Variants in LTBP4 observed in about 807,000 individuals in gnomAD.
The protein encoded by LTBP4 is latent-transforming growth factor beta-binding protein 4.
Under a neutral mutation model 180.2 loss-of-function variants are expected in LTBP4, and 93 were observed. The ratio of observed to expected loss-of-function variants is 0.52; its 90% CI spans 0.44 to 0.61. The LOEUF (loss-of-function observed/expected upper bound fraction) is 0.61. LTBP4 is among the 20% of genes least tolerant of loss of function. The probability of loss-of-function intolerance (pLI) is 0.00; values close to 1 mark genes in which losing one functional copy is unlikely to be tolerated. For missense variants in LTBP4, 2,116 were observed against 2,256.5 expected (o/e 0.94, Z 1.26); for synonymous variants, 947 against 934.5 (o/e 1.01, Z -0.24).
At chr19:40,616,781 T>C (rs1238686037) in intron 19 of LTBP4, 108 bp from the exon 20 acceptor site, 3 of 1,319,948 alleles carry the variant, frequency 2.3e-6, no homozygotes, top group Non-Finnish European at 3.1e-6. Flanking sequence ...CTCAGGCTCC[T>C]AGAATACCAG....
rs762422039 is a variant in LTBP4 at position 40,627,323 on chromosome 19, C to T, written c.4334C>T (p.Pro1445Leu). 5.9e-6 allele frequency: 9 copies of T among 1,521,784 alleles called. No individual in the cohort carries two copies. The highest frequency in any genetic ancestry group is 7.9e-6 in the Non-Finnish European group (9 of 1,136,514). The allele number at this position is 1,521,784 out of a possible 1,614,324, so 94.3% of individuals were successfully genotyped here. ...SRDTRRSFPE[P>L]EEPPEGGSYA... ...GACACCCGCCGCTCCTTCCCAGAGC[C>T]CGAGGAGCCTCCTGAAGGTGGAAGC... The change falls in exon 28 of 30, where the codon CCC (proline) becomes CTC (leucine). Residue 1445 changes from proline to leucine, a missense_variant. Around this residue, in one of 5 missense-constraint regions of LTBP4, gnomAD observed 488 missense variants for 458.8 expected, o/e 1.06. Coordinates refer to ENST00000396819, the MANE Select transcript of LTBP4 (RefSeq NM_001042545.2).
chr19:40,617,025 G>GC lies in LTBP4; in HGVS notation c.2944+5_2944+6insC. 1 of 1,613,012 alleles carries GC rather than the reference G, an allele frequency of 6.2e-7. No individual in the cohort carries two copies. The highest frequency in any genetic ancestry group is 8.5e-7 in the Non-Finnish European group (1 of 1,178,982). On this transcript the variant is annotated splice_donor_region_variant and intron_variant, in intron 20 of 29. Transcript: ENST00000396819. ...CGCCAGGGGGCGGATGCCAGGGTGG[G>GC]TGTCCATCAGGCATCGGGTGAGATG...
rs114749335 is a variant in LTBP4 at position 40,608,301 on chromosome 19, G to T, written c.1238G>T (p.Gly413Val). ...CTCCGCTACAACACCAGACCCCTGG[G>T]CCAGGAGCCACCCCGAGTGTCACTC... ...SDLRYNTRPLGQEPPRVSLSQ... is the reference protein window; with the variant it reads ...SDLRYNTRPLVQEPPRVSLSQ... Residue 413 changes from glycine to valine, a missense_variant, in exon 8 of 30, where the codon GGC becomes GTC. This residue lies in a region of LTBP4 where 877 missense variants were observed against 873.6 expected (regional missense o/e 1.00). Coordinates refer to ENST00000396819, the MANE Select transcript of LTBP4 (RefSeq NM_001042545.2). The T allele has an allele frequency of 1.2e-6, 2 of 1,613,792 alleles. No individual in the cohort carries two copies. The highest frequency in any genetic ancestry group is 1.7e-6 in the Non-Finnish European group (2 of 1,179,868).
intron 19 of LTBP4, 69 bp downstream of exon 19, chr19:40,614,515 T>C (rs1344323110): frequency 1.3e-6 from 2 of 1,531,348 alleles, no homozygotes; most frequent in East Asian, 4.8e-5. Context: ...CCTTGGGGAC[T>C]GAGGAGGGGC....
At chr19:40,610,055 C>G in intron 11 of LTBP4, 184 bp downstream of exon 11, 1 of 766,272 alleles carries the variant, frequency 1.3e-6, no homozygotes, top group African/African-American at 1.8e-5. Flanking sequence ...CCCTTTGACC[C>G]CACCCCTACC....
rs2081620056 is a variant in LTBP4, at chr19:40,625,281, TATATATATATATATATATATATATATATA to T, written c.3833-575_3833-547del. On this transcript the variant is annotated intron_variant, in intron 26 of 29. Coordinates refer to ENST00000396819, the MANE Select transcript of LTBP4 (RefSeq NM_001042545.2). Reference sequence around the variant, plus strand: ...ATATATATATATATATATATATATATATATATATATATATATATATATATATATATATATATTTTTTTTTTTAAAGATGG... The same window carrying T: ...ATATATATATATATATATATATATATTATATATTTTTTTTTTTAAAGATGG... 7.1e-4 allele frequency among the ~76,000 whole-genome samples: 7 copies of T among 9,802 alleles called. 1 individual carries two copies. The highest frequency in any genetic ancestry group is 1.9e-3 in the African/African-American group (2 of 1,030). 6.4% of individuals were successfully genotyped at this position (9,802 alleles called of 152,430 possible). A position where few individuals can be genotyped will look rare whatever the true frequency, so the allele number is the denominator to read the frequency against.
chr19:40,597,357 G>T, upstream of LTBP4: 1 of 1,519,560 alleles, frequency 6.6e-7, no homozygotes, highest in Non-Finnish European at 8.8e-7. Flanking sequence ...TCGAGGTCCC[G>T]GGGGTCCCCA....
chr19:40,627,282 GC>G lies in LTBP4; in HGVS notation c.4296del (p.Tyr1433IlefsTer68). ...PAPPGPGTRW[P>X]YRSRDTRRSF... The stretch of plus-strand genomic sequence containing the variant: ...CGCCACCTGGCCCGGGCACCCGCTG[GC>G]CCTATCGGTCCCGGGACACCCGCCG... On this transcript the variant is annotated frameshift_variant, in exon 28 of 30. Coordinates refer to ENST00000396819, the MANE Select transcript of LTBP4 (RefSeq NM_001042545.2). LOFTEE classifies it high-confidence loss of function. 1 of 1,535,590 alleles carries G rather than the reference GC, an allele frequency of 6.5e-7. No individual in the cohort carries two copies. The highest frequency in any genetic ancestry group is 8.7e-7 in the Non-Finnish European group (1 of 1,144,450).
intron 1 of LTBP4, among the ~76,000 whole-genome samples, chr19:40,593,906 A>G (rs1018342193): frequency 3.3e-5 from 5 of 151,656 alleles, no homozygotes; most frequent in African/African-American, 1.2e-4. Flanking sequence ...TGATCCTCCC[A>G]CCTTAGCCTC....
At chr19:40,623,568 A>T (rs768188446) in intron 24 of LTBP4, 36 bp from the exon 25 acceptor site, 1 of 1,598,738 alleles carries the variant, frequency 6.3e-7, no homozygotes, top group Admixed American at 1.7e-5. Context: ...CCACCCATCC[A>T]GCCCGCCCCC....
In LTBP4 at chr19:40,624,007, C is replaced by G. The variant is rs931278267; in HGVS notation, c.3757C>G (p.His1253Asp). The change falls in exon 26 of 30, where the codon CAC (histidine) becomes GAC (aspartate). Residue 1253 changes from histidine (H) to aspartate (D), a missense_variant. His to Asp is a moderately conservative substitution (Grantham distance 81). This residue lies in a region of LTBP4 where 488 missense variants were observed against 458.8 expected (regional missense o/e 1.06). Coordinates refer to ENST00000396819, the MANE Select transcript of LTBP4 (RefSeq NM_001042545.2). The part of the protein sequence containing the change: ...GRCVNTVGSY[H>D]CTCEPPLVLD... ...CTGTGTCAACACTGTGGGCTCTTAT[C>G]ACTGTACCTGCGAGCCCCCACTGGT... is the stretch of plus-strand genomic sequence containing the variant. 1 of 1,612,406 alleles carries G rather than the reference C, an allele frequency of 6.2e-7. No homozygotes were observed. The highest frequency in any genetic ancestry group is 1.3e-5 in the African/African-American group (1 of 74,916).
In LTBP4 at chr19:40,609,735, C is replaced by T. The variant is rs375148615; in HGVS notation, c.1559-11C>T. 4.3e-6 allele frequency: 7 copies of T among 1,611,408 alleles called. No homozygotes were observed. The highest frequency in any genetic ancestry group is 5.9e-6 in the Non-Finnish European group (7 of 1,178,370). ...TGGTCACCTTGTCACCAGCCCCCTCCGTGTCCTCAGATGTGGACGAATGTC... is the reference window on the plus strand; with the variant it reads ...TGGTCACCTTGTCACCAGCCCCCTCTGTGTCCTCAGATGTGGACGAATGTC... On this transcript the variant is annotated splice_polypyrimidine_tract_variant and intron_variant, in intron 10 of 29. Transcript: ENST00000396819. The surrounding 1 kb of genome is among the most constrained non-coding windows in gnomAD (Gnocchi z 4.9).
At chr19:40,610,009 G>A in intron 11 of LTBP4, 138 bp downstream of exon 11, 4 of 1,204,538 alleles carry the variant, frequency 3.3e-6, no homozygotes, top group Non-Finnish European at 4.4e-6. Context: ...CCTTGGCCCT[G>A]CCCTTCCCTG....
Position 40,627,243 on chromosome 19 carries a change from A to G in LTBP4, c.4254A>G (p.Glu1418=). ...DFEDDGGPYG[E]SEAPAPPGPG... is the part of the protein sequence containing the mutation. ...AGGACGATGGTGGCCCCTATGGCGA[A>G]TCTGAGGCTCCTGCGCCACCTGGCC... Residue 1418 remains glutamate (E), a synonymous_variant, in exon 28 of 30, where the codon GAA becomes GAG. Transcript: ENST00000396819. 1 of 1,594,922 alleles carries G rather than the reference A, an allele frequency of 6.3e-7. No individual in the cohort carries two copies. The highest frequency in any genetic ancestry group is 1.3e-5 in the African/African-American group (1 of 74,700).
At chr19:40,600,224 G>C, upstream of LTBP4, 1 of 1,115,334 alleles carries the variant, frequency 9.0e-7, no homozygotes, top group Non-Finnish European at 1.2e-6. The surrounding 1 kb of genome is among the most constrained non-coding windows in gnomAD (Gnocchi z 4.4). Flanking sequence ...GGGGTTCCGG[G>C]CCAGATAAAG....
chr19:40,620,643 G>T (rs1052965952), intron 22 of LTBP4, among the ~76,000 whole-genome samples: 1 of 151,532 alleles, frequency 6.6e-6, no homozygotes, highest in Non-Finnish European at 1.5e-5. Flanking sequence ...GGGTGTAGTG[G>T]TGCACGCCTG....
At chr19:40,625,270 A>G (rs1325825975) in intron 26 of LTBP4, among the ~76,000 whole-genome samples, 1 of 3,468 alleles carries the variant, frequency 2.9e-4, no homozygotes, top group African/African-American at 2.7e-3. Context: ...ATATATATAT[A>G]TATATATATA....
chr19:40,609,271 T>A lies in LTBP4; in HGVS notation c.1427-259T>A, dbSNP rs2081486916. The stretch of plus-strand genomic sequence containing the variant: ...TATTTCTCAGGTAGGGCACTAAGAA[T>A]GTATCTCAGGCGGAGGGTTGGAGAG... On this transcript the variant is annotated intron_variant, in intron 9 of 29. Transcript: ENST00000396819. This position sits in a 1 kb window ranked among gnomAD's most constrained non-coding sequence, Gnocchi z 4.9. Among the ~76,000 whole-genome samples the A allele has an allele frequency of 6.6e-6, 1 of 152,142 alleles. No homozygotes were observed. The highest frequency in any genetic ancestry group is 6.5e-5 in the Admixed American group (1 of 15,272).
In LTBP4 at chr19:40,613,265, A is replaced by T; in HGVS notation, c.2431+69A>T. 1 of 1,542,662 alleles carries T rather than the reference A, an allele frequency of 6.5e-7. No individual in the cohort carries two copies. The highest frequency in any genetic ancestry group is 8.8e-7 in the Non-Finnish European group (1 of 1,140,650). Reference sequence around the variant, plus strand: ...TGGGTTCCAGGGCAAAGCCGGCTGGAAAGGTGGAGGCGGGACCAAGGCGCT... The same window carrying T: ...TGGGTTCCAGGGCAAAGCCGGCTGGTAAGGTGGAGGCGGGACCAAGGCGCT... On this transcript the variant is annotated intron_variant, in intron 16 of 29. Coordinates refer to ENST00000396819, the MANE Select transcript of LTBP4 (RefSeq NM_001042545.2). This position sits in a 1 kb window ranked among gnomAD's most constrained non-coding sequence, Gnocchi z 5.0.
Sources: gnomAD v4.1 joint callset for allele counts (sites outside exome capture counted in the v4.1 genomes callset) on GRCh38, gnomAD v4.1.1 for gene constraint, gnomAD v4.1.1 regional missense constraint, Gnocchi (gnomAD v3.1) non-coding constraint, MANE v1.5 for transcripts, NCBI Gene and HGNC (gene_info 2026-07-23, HGNC 2026-07-21) for gene names.